Variants in HSD17B14 observed in about 807,000 individuals in gnomAD.
HSD17B14 encodes hydroxysteroid 17-beta dehydrogenase 14, also known as L-fucose dehydrogenase.
Under a neutral mutation model 32.2 loss-of-function variants are expected in HSD17B14, and 32 were observed. The ratio of observed to expected loss-of-function variants is 0.99; its 90% CI spans 0.75 to 1.33. The LOEUF (loss-of-function observed/expected upper bound fraction) is 1.33. HSD17B14 is among the 40% of genes most tolerant of loss of function. The probability of loss-of-function intolerance (pLI) is 0.00; values close to 1 mark genes in which losing one functional copy is unlikely to be tolerated. For synonymous variants in HSD17B14, 140 were observed against 155.4 expected, an observed-to-expected ratio of 0.90 and a Z score of 0.74; for missense variants, 370 against 366.5, an observed-to-expected ratio of 1.01 and a Z score of -0.08.
intron 5 of HSD17B14, among the ~76,000 whole-genome samples, chr19:48,820,160 C>G (rs2035121616): frequency 6.6e-6 from 1 of 151,348 alleles, no homozygotes; most frequent in Admixed American, 6.6e-5. Context: ...CGATCTCTAA[C>G]AAAAAACAAA....
At position 48,818,444 on chromosome 19, in the gene HSD17B14, G is replaced by A. The variant is rs76459550; in HGVS notation, c.370-3303C>T. ...TCGCCTCCTCTCACTCCCACCAGCC[G>A]TGACACCCTCCCTCCCTCCCAGTGC... On this transcript the variant is annotated intron_variant, in intron 5 of 8. Coordinates refer to ENST00000263278, the MANE Select transcript of HSD17B14 (RefSeq NM_016246.3). Among the ~76,000 whole-genome samples the A allele has an allele frequency of 1.9e-4, 29 of 151,606 alleles. No individual in the cohort carries two copies. In the East Asian group the frequency reaches 5.6e-3, roughly 29 times the overall value.
At position 48,835,404 on chromosome 19, in the gene HSD17B14, G is replaced by C. The variant is rs1323708156; in HGVS notation, c.127+401C>G. ...TGGACTCCTGGGTCTGAGAAAGTAG[G>C]GCCTGGGGGCCTGGACTCCTGGGTC... On this transcript the variant is annotated intron_variant, in intron 2 of 8. Coordinates refer to ENST00000263278, the MANE Select transcript of HSD17B14 (RefSeq NM_016246.3). Among the ~76,000 whole-genome samples, 5 of 139,202 alleles carry C rather than the reference G, an allele frequency of 3.6e-5. 1 individual carries two copies. Among genetic ancestry groups the C allele is most frequent in the African/African-American group, 8.1e-5 (3 of 37,020 alleles). 91.3% of individuals were successfully genotyped at this position (139,202 alleles called of 152,430 possible).
intron 5 of HSD17B14, among the ~76,000 whole-genome samples, chr19:48,828,862 C>G (rs190409500): frequency 6.6e-6 from 1 of 152,016 alleles, no homozygotes; most frequent in East Asian, 2.0e-4. Flanking sequence ...GAGTTCAAGA[C>G]CAGCCTGGCC....
intron 5 of HSD17B14, among the ~76,000 whole-genome samples, chr19:48,830,991 T>G (rs473464): frequency 6.6e-6 from 1 of 151,734 alleles, no homozygotes; most frequent in Non-Finnish European, 1.5e-5. Context: ...AGGGCACCAC[T>G]ACGCCTAATT....
chr19:48,815,252 G>A, intron 5 of HSD17B14, 111 bp from the exon 6 acceptor site: 1 of 767,980 alleles, frequency 1.3e-6, no homozygotes, highest in South Asian at 1.5e-5. Context: ...TCCCTGGCAT[G>A]TTTCTAGTTG....
rs1568525968 is a variant in HSD17B14 at position 48,834,447 on chromosome 19, G to GGGC, written c.128-90_128-89insGCC. The GGGC allele has an allele frequency of 5.8e-4, 433 of 747,698 alleles. 14 individuals carry two copies. The highest frequency in any genetic ancestry group is 4.8e-3 in the East Asian group (167 of 34,948). 46.3% of individuals were successfully genotyped at this position (747,698 alleles called of 1,614,324 possible). A position where few individuals can be genotyped will look rare whatever the true frequency, so the allele number is the denominator to read the frequency against. ...TGGACTCCTGGGTCTGAGGGAGGAGGTGCTGGGGGCCTGGACTCCTGGGTC... is the reference window on the plus strand; with the variant it reads ...TGGACTCCTGGGTCTGAGGGAGGAGGGGCTGCTGGGGGCCTGGACTCCTGGGTC... On this transcript the variant is annotated intron_variant, in intron 2 of 8. Transcript: ENST00000263278.
Position 48,832,680 on chromosome 19 carries a change from T to C in HSD17B14, c.263A>G (p.Asn88Ser). 2 of 1,613,126 alleles carry C rather than the reference T, an allele frequency of 1.2e-6. No homozygotes were observed. The highest frequency in any genetic ancestry group is 1.1e-5 in the South Asian group (1 of 90,814). Residue 88 changes from asparagine (N) to serine (S), a missense_variant, in exon 4 of 9, where the codon AAC (asparagine) becomes AGC (serine). By Grantham distance (46) the Asn-to-Ser change is conservative (BLOSUM62 1). Transcript: ENST00000263278. ...RRFGRLDCVV[N>S]NAGHHPPPQR... Reference sequence around the variant, plus strand: ...TCACAACTCACGGTGGCCAGCGTTGTTGACAACACAATCCAGGCGGCCAAA... The same window carrying C: ...TCACAACTCACGGTGGCCAGCGTTGCTGACAACACAATCCAGGCGGCCAAA...
intron 3 of HSD17B14, among the ~76,000 whole-genome samples, chr19:48,833,466 C>T (rs917162998): frequency 1.3e-5 from 2 of 151,846 alleles, no homozygotes. Flanking sequence ...CTGAGGTGGG[C>T]GGATCACCTG....
In HSD17B14 at chr19:48,836,471, G is replaced by C; in HGVS notation, c.-60C>G. 1 of 1,548,976 alleles carries C rather than the reference G, an allele frequency of 6.5e-7. No homozygotes were observed. Among genetic ancestry groups the C allele is most frequent in the Non-Finnish European group, 8.9e-7 (1 of 1,126,596 alleles). The stretch of plus-strand genomic sequence containing the variant: ...GGGCCTCTTTCACCTCCAAAGCCCC[G>C]TGAGGCCGTCGCATCAAATCCTCAA... On this transcript the variant is annotated 5_prime_UTR_variant, in exon 1 of 9. Coordinates refer to ENST00000263278, the MANE Select transcript of HSD17B14 (RefSeq NM_016246.3).
chr19:48,827,332 C>T lies in HSD17B14; in HGVS notation c.369+4336G>A, dbSNP rs377411119. On this transcript the variant is annotated intron_variant, in intron 5 of 8. Transcript: ENST00000263278. ...CTGGGATTACAAAGACATGAGCCAC[C>T]GTGCCTGGCAAGGACAGGGATTTTC... 2.2e-4 allele frequency among the ~76,000 whole-genome samples: 33 copies of T among 152,084 alleles called. 1 individual carries two copies. In the South Asian group the frequency reaches 6.4e-3, roughly 30 times the overall value.
intron 5 of HSD17B14, among the ~76,000 whole-genome samples, chr19:48,828,729 A>C (rs11083949): frequency 0.015 from 2,260 of 152,172 alleles, 32 homozygotes; most frequent in Middle Eastern, 0.058. Context: ...CAAGAGTTTG[A>C]GACCAGCCTG....
chr19:48,835,823 C>T lies in HSD17B14; in HGVS notation c.109G>A (p.Val37Ile). 1 of 1,613,612 alleles carries T rather than the reference C, an allele frequency of 6.2e-7. No homozygotes were observed. Among genetic ancestry groups the T allele is most frequent in the Non-Finnish European group, 8.5e-7 (1 of 1,179,728 alleles). ...CACTCACCATCCTTGTCGCAGATAA[C>T]CACTCGGGCCCCGCTGTTCACTGAG... ...RAFVNSGARV[V>I]ICDKDESGGR... The change falls in exon 2 of 9, where the codon GTT (valine) becomes ATT (isoleucine). Residue 37 changes from valine (V) to isoleucine (I), a missense_variant. Coordinates refer to ENST00000263278, the MANE Select transcript of HSD17B14 (RefSeq NM_016246.3).
chr19:48,818,539 C>T (rs529834964), intron 5 of HSD17B14, among the ~76,000 whole-genome samples: 1 of 151,886 alleles, frequency 6.6e-6, no homozygotes, highest in Admixed American at 6.6e-5. Flanking sequence ...TCTCCTCCCC[C>T]ACCTGACCCT....
intron 5 of HSD17B14, among the ~76,000 whole-genome samples, chr19:48,828,099 C>T (rs367893627): frequency 1.2e-4 from 18 of 152,156 alleles, no homozygotes; most frequent in South Asian, 2.1e-4. Flanking sequence ...CGTGATCCGC[C>T]GGCCTCGGCC....
intron 5 of HSD17B14, among the ~76,000 whole-genome samples, chr19:48,816,826 T>TCTTTCTTTCTTTCTTTCTTTG (rs1352133457): frequency 6.7e-6 from 1 of 148,878 alleles, no homozygotes; most frequent in African/African-American, 2.5e-5. Flanking sequence ...TTTCTTTCTT[T>TCTTTCTTTCTTTCTTTCTTTG]TCTTTCTCTC....
At chr19:48,813,986 G>A (rs2035008361) in intron 6 of HSD17B14, among the ~76,000 whole-genome samples, 1 of 152,022 alleles carries the variant, frequency 6.6e-6, no homozygotes, top group African/African-American at 2.4e-5. Context: ...ACTTGGGCCA[G>A]GAGTTCGAGA....
chr19:48,834,549 G>A (rs1416274546), intron 2 of HSD17B14, among the ~76,000 whole-genome samples, 191 bp from the exon 3 acceptor site: 1 of 88,994 alleles, frequency 1.1e-5, no homozygotes, highest in Non-Finnish European at 2.0e-5. Flanking sequence ...CTGGGTCTGA[G>A]GGAGGAAGGG....
chr19:48,831,742 G>A lies in HSD17B14; in HGVS notation c.295C>T (p.Pro99Ser). ...AATCCCTGGGCAGAGGTCTCCTCAGGCCTCTGTGGGGGTGGGTCTAAAGTG... is the reference window on the plus strand; with the variant it reads ...AATCCCTGGGCAGAGGTCTCCTCAGACCTCTGTGGGGGTGGGTCTAAAGTG... ...NAGHHPPPQR[P>S]EETSAQGFRQ... The change falls in exon 5 of 9, where the codon CCT becomes TCT. Residue 99 changes from proline (P) to serine (S), a missense_variant. By Grantham distance (74) the Pro-to-Ser change is moderately conservative. Transcript: ENST00000263278. The A allele has an allele frequency of 6.2e-7, 1 of 1,611,700 alleles. No homozygotes were observed. The highest frequency in any genetic ancestry group is 8.5e-7 in the Non-Finnish European group (1 of 1,178,188).
chr19:48,825,852 G>A (rs909068531), intron 5 of HSD17B14, among the ~76,000 whole-genome samples: 1 of 152,004 alleles, frequency 6.6e-6, no homozygotes, highest in East Asian at 2.0e-4. Flanking sequence ...ATGGAGTCTT[G>A]CTCTGTCACC....
Sources: allele counts gnomAD v4.1 joint callset (sites outside exome capture counted in the v4.1 genomes callset), GRCh38; gene constraint gnomAD v4.1.1; transcripts MANE v1.5; gene names NCBI Gene and HGNC (gene_info 2026-07-23, HGNC 2026-07-21).